Variants in SEC16B observed in about 807,000 individuals in gnomAD.
The protein encoded by SEC16B is protein transport protein Sec16B.
Under a neutral mutation model 141.8 loss-of-function variants are expected in SEC16B, and 115 were observed. The observed-to-expected ratio is 0.81, with a 90% CI of 0.70 to 0.95. SEC16B has a LOEUF of 0.95. Among genes scored for constraint, SEC16B ranks in the 40% least tolerant of loss-of-function variants. The probability of loss-of-function intolerance (pLI) is 0.00; values close to 1 mark genes in which losing one functional copy is unlikely to be tolerated. For synonymous variants in SEC16B, 493 were observed against 492.5 expected (o/e 1.00, Z -0.01); for missense variants, 1,291 against 1,312.3 (o/e 0.98, Z 0.25).
chr1:177,965,895 C>A lies in SEC16B; in HGVS notation c.410G>T (p.Arg137Ile). 6.4e-7 allele frequency: 1 copy of A among 1,573,716 alleles called. No homozygotes were observed. Among genetic ancestry groups the A allele is most frequent in the East Asian group, 2.3e-5 (1 of 43,798 alleles). The change falls in exon 3 of 26, where the codon AGA (arginine) becomes ATA (isoleucine). Residue 137 changes from arginine (R) to isoleucine (I), a missense_variant and splice_region_variant. Arg to Ile is a moderately conservative substitution (Grantham distance 97). Around this residue, in one of 3 missense-constraint regions of SEC16B, gnomAD observed 681 missense variants for 675.5 expected, o/e 1.01. Transcript: ENST00000308284. ...HGHPQWLQEE[R>I]VPRQRSPYIW... is the part of the protein sequence containing the mutation. ...GCTTCTTGGAGACTTTTCCATACCT[C>A]TTTCTTCCTGCAGCCACTGTGGGTG...
chr1:177,935,917 T>C (rs1357073593), intron 20 of SEC16B, among the ~76,000 whole-genome samples: 2 of 152,174 alleles, frequency 1.3e-5, no homozygotes, highest in Non-Finnish European at 1.5e-5. Context: ...CTACCACAGA[T>C]CTTTCTTTGA....
intron 18 of SEC16B, among the ~76,000 whole-genome samples, chr1:177,937,976 A>T (rs933890029): frequency 3.3e-5 from 5 of 152,164 alleles, no homozygotes; most frequent in Non-Finnish European, 7.4e-5. Context: ...ACCAAACTAT[A>T]CACAGAACCT....
chr1:177,974,089 T>A (rs990193687), upstream of SEC16B, among the ~76,000 whole-genome samples: 1 of 151,862 alleles, frequency 6.6e-6, no homozygotes, highest in African/African-American at 2.4e-5. Flanking sequence ...TCAAGGATGA[T>A]CCAAGTTTTC....
rs200704896 is a variant in SEC16B, at chr1:177,964,198, G to A, written c.615C>T (p.Ser205=). ...QEWPGELFPG[S]LLAEAQKNKP... is the part of the protein sequence containing the mutation. ...TATTTTTCTGGGCCTCAGCAAGCAG[G>A]CTCCCTGGAAACAGCTCCCCCGGCC... is the stretch of plus-strand genomic sequence containing the variant. Residue 205 remains serine (S), a synonymous_variant, in exon 5 of 26, where the codon AGC becomes AGT. Transcript: ENST00000308284. 2.9e-5 allele frequency: 47 copies of A among 1,613,364 alleles called. No individual in the cohort carries two copies. Among genetic ancestry groups the A allele is most frequent in the South Asian group, 2.6e-4 (24 of 91,022 alleles).
intron 5 of SEC16B, among the ~76,000 whole-genome samples, chr1:177,962,965 G>A (rs1048599742): frequency 1.0e-3 from 155 of 151,672 alleles, no homozygotes; most frequent in African/African-American, 3.6e-3. Flanking sequence ...AAAATTAGCT[G>A]GGCATGGTGG....
chr1:177,973,595 T>C (rs1192785757), upstream of SEC16B, among the ~76,000 whole-genome samples: 1 of 152,194 alleles, frequency 6.6e-6, no homozygotes, highest in Non-Finnish European at 1.5e-5. Flanking sequence ...ACTTCCAAGA[T>C]TGATTAACTG....
chr1:177,939,502 G>T (rs1651113403), intron 18 of SEC16B, among the ~76,000 whole-genome samples, 200 bp downstream of exon 18: 1 of 152,234 alleles, frequency 6.6e-6, no homozygotes, highest in Admixed American at 6.5e-5. Flanking sequence ...AGCTCAGACT[G>T]AGGGAACTTA....
At chr1:177,951,338 G>T (rs557704597) in intron 12 of SEC16B, among the ~76,000 whole-genome samples, 6 of 152,102 alleles carry the variant, frequency 3.9e-5, no homozygotes, top group Non-Finnish European at 7.4e-5. Context: ...GGACGTCAAA[G>T]GTAAGGAAGG....
chr1:177,953,391 G>T (rs1328435947), intron 11 of SEC16B, among the ~76,000 whole-genome samples: 1 of 152,310 alleles, frequency 6.6e-6, no homozygotes, highest in East Asian at 1.9e-4. Context: ...TAGCTTCACA[G>T]CTTTAACCAG....
intron 14 of SEC16B, among the ~76,000 whole-genome samples, chr1:177,944,931 A>AG (rs1208874918): frequency 6.6e-6 from 1 of 152,164 alleles, no homozygotes; most frequent in Non-Finnish European, 1.5e-5. Context: ...GCTGCAGAAA[A>AG]GGGGGGTCAC....
chr1:177,948,632 G>A, intron 12 of SEC16B: 2 of 1,297,840 alleles, frequency 1.5e-6, no homozygotes, highest in Non-Finnish European at 2.0e-6. Flanking sequence ...TCTCCCTAAG[G>A]CTGTCCTACT....
intron 1 of SEC16B, 104 bp downstream of exon 1, chr1:177,969,780 G>C (rs1653835081): frequency 6.6e-6 from 1 of 152,178 alleles, no homozygotes; most frequent in Non-Finnish European, 1.5e-5. Context: ...TCATGTAGAT[G>C]ACCTTTCCTA....
intron 19 of SEC16B, among the ~76,000 whole-genome samples, 168 bp downstream of exon 19, chr1:177,937,046 C>T (rs1650895717): frequency 6.6e-6 from 1 of 152,160 alleles, no homozygotes; most frequent in African/African-American, 2.4e-5. Flanking sequence ...AGCACCAATA[C>T]AGTGGCTGAA....
intron 11 of SEC16B, among the ~76,000 whole-genome samples, chr1:177,953,264 C>A (rs1652343868): frequency 6.6e-6 from 1 of 152,104 alleles, no homozygotes; most frequent in Non-Finnish European, 1.5e-5. Context: ...CCTCAGCCAC[C>A]CAAAATGCTG....
Position 177,960,937 on chromosome 1 carries a change from C to A in SEC16B, c.790G>T (p.Val264Phe). 1 of 1,500,868 alleles carries A rather than the reference C, an allele frequency of 6.7e-7. No individual in the cohort carries two copies. The highest frequency in any genetic ancestry group is 9.2e-7 in the Non-Finnish European group (1 of 1,088,418). 93.0% of individuals were successfully genotyped at this position (1,500,868 alleles called of 1,614,324 possible). Residue 264 changes from valine to phenylalanine, a missense_variant and splice_region_variant, in exon 7 of 26, where the codon GTC (valine) becomes TTC (phenylalanine). Physicochemically the swap from Val to Phe is conservative, Grantham distance 50 (BLOSUM62 -1). This residue lies in a region of SEC16B where 681 missense variants were observed against 675.5 expected (regional missense o/e 1.01). Coordinates refer to ENST00000308284, the MANE Select transcript of SEC16B (RefSeq NM_033127.4). ...SAAWSPVQAD[V>F]SSAGPKAPMK... is the part of the protein sequence containing the mutation. ...GGTGCTTTGGGACCAGCTGAGGAGACATCTTCTGACCAACAGACACAGATG... is the reference window on the plus strand; with the variant it reads ...GGTGCTTTGGGACCAGCTGAGGAGAAATCTTCTGACCAACAGACACAGATG...
intron 1 of SEC16B, among the ~76,000 whole-genome samples, chr1:177,968,955 T>C (rs1653763582): frequency 6.6e-6 from 1 of 152,180 alleles, no homozygotes; most frequent in Non-Finnish European, 1.5e-5. Flanking sequence ...CTCCAAGGAC[T>C]GATTACCTTC....
Position 177,982,427 on chromosome 1 carries a change from T to C in SEC16B, c.-59+1779A>G, listed in dbSNP as rs150417192. On this transcript the variant is annotated intron_variant and NMD_transcript_variant, in intron 1 of 24. Coordinates refer to the SEC16B transcript ENST00000528461. ...AAGGGATTTGTCCTGGGTCAGGAAG[T>C]ACACCTCTCTCTTGGGGAAGGGAGG... Among the ~76,000 whole-genome samples the C allele has an allele frequency of 1.1e-3, 175 of 152,308 alleles. 3 individuals carry two copies. The highest frequency in any genetic ancestry group is 7.9e-3 in the South Asian group (38 of 4,822).
rs1651846804 is a variant in SEC16B, at chr1:177,947,809, T to C, written c.1663+16A>G. On this transcript the variant is annotated intron_variant, in intron 13 of 25. Transcript: ENST00000308284. ...GACAGGGAGGGGAGCGGAGGGGAAA[T>C]GCTGGTGTCGCTTACCCAGGGTGTC... 8.0e-7 allele frequency: 1 copy of C among 1,250,688 alleles called. No homozygotes were observed. The highest frequency in any genetic ancestry group is 1.0e-6 in the Non-Finnish European group (1 of 955,086). The allele number at this position is 1,250,688 out of a possible 1,614,324, so 77.5% of individuals were successfully genotyped here. A position where few individuals can be genotyped will look rare whatever the true frequency, so the allele number is the denominator to read the frequency against.
intron 16 of SEC16B, 23 bp downstream of exon 16, chr1:177,941,877 A>T: frequency 6.2e-7 from 1 of 1,612,230 alleles, no homozygotes; most frequent in South Asian, 1.1e-5. Flanking sequence ...AAACAACTGC[A>T]CAGAACCCTT....
Sources: allele counts gnomAD v4.1 joint callset (sites outside exome capture counted in the v4.1 genomes callset), GRCh38; gene constraint gnomAD v4.1.1; regional missense constraint gnomAD v4.1.1; transcripts MANE v1.5; gene names NCBI Gene and HGNC (gene_info 2026-07-23, HGNC 2026-07-21).